PTPRF: variants seen among roughly 807,000 people sequenced by gnomAD.
The protein encoded by PTPRF is receptor-type tyrosine-protein phosphatase F.
In PTPRF, 59 loss-of-function variants were observed where a neutral mutation model predicts 201.8. That is an observed-to-expected ratio of 0.29 (90% CI 0.24 to 0.36). PTPRF has a LOEUF of 0.36. Ranked by LOEUF, PTPRF falls within the 10% of genes least tolerant of loss-of-function variation. The probability of loss-of-function intolerance (pLI) is 1.00; values close to 1 mark genes in which losing one functional copy is unlikely to be tolerated. For missense variants in PTPRF, 2,132 were observed against 2,690.5 expected (o/e 0.79, Z 4.59); for synonymous variants, 1,088 against 1,089.7 (o/e 1.00, Z 0.03).
intron 6 of PTPRF, chr1:43,575,827 C>A: frequency 8.1e-7 from 1 of 1,227,162 alleles, no homozygotes; most frequent in South Asian, 1.3e-5. Context: ...TTTTATTTTA[C>A]CTGATTTGGC....
chr1:43,604,279 G>C (rs1415062805), intron 16 of PTPRF, 90 bp downstream of exon 16: 4 of 1,347,814 alleles, frequency 3.0e-6, no homozygotes, highest in South Asian at 1.4e-5. Context: ...TGGCGACTGT[G>C]ATCCACCAGC....
At chr1:43,615,464 C>A (rs1463689853) in intron 23 of PTPRF, among the ~76,000 whole-genome samples, 4 of 151,054 alleles carry the variant, frequency 2.6e-5, no homozygotes, top group African/African-American at 9.7e-5. Flanking sequence ...GCTTTCCTTA[C>A]AAGACCCTCC....
At chr1:43,610,605 C>T (rs1477278559) in intron 22 of PTPRF, among the ~76,000 whole-genome samples, 3 of 152,194 alleles carry the variant, frequency 2.0e-5, no homozygotes, top group African/African-American at 4.8e-5. Flanking sequence ...ACTGGCTGGG[C>T]GTGGTGGCTC....
rs765956399 is a variant in PTPRF, at chr1:43,620,798, G to A, written c.5365-40G>A. ...CTAGTCCAGAGGGGTGGCTGCCTAA[G>A]GCACGAATTCTAATCATGTACCCCA... On this transcript the variant is annotated intron_variant, in intron 31 of 33. Coordinates refer to ENST00000359947, the MANE Select transcript of PTPRF (RefSeq NM_002840.5). 4 of 1,588,150 alleles carry A rather than the reference G, an allele frequency of 2.5e-6. No individual in the cohort carries two copies. The South Asian group carries it at 4.7e-5, about 19-fold the overall frequency.
intron 5 of PTPRF, among the ~76,000 whole-genome samples, chr1:43,555,118 C>G (rs1397912828): frequency 6.6e-6 from 1 of 152,092 alleles, no homozygotes; most frequent in East Asian, 1.9e-4. Context: ...TCCCAAACTG[C>G]TGGGATTACA....
intron 7 of PTPRF, among the ~76,000 whole-genome samples, chr1:43,584,993 A>G (rs1466956335): frequency 8.5e-5 from 13 of 152,256 alleles, no homozygotes. Flanking sequence ...TTACAGCTGA[A>G]ATATAATCCA....
intron 7 of PTPRF, among the ~76,000 whole-genome samples, chr1:43,580,483 G>A (rs1445403732): frequency 6.6e-6 from 1 of 152,202 alleles, no homozygotes; most frequent in Non-Finnish European, 1.5e-5. Context: ...TGGGATGGGA[G>A]GTCCCCTAGC....
At chr1:43,601,087 C>T (rs549987745) in intron 13 of PTPRF, among the ~76,000 whole-genome samples, 1 of 152,244 alleles carries the variant, frequency 6.6e-6, no homozygotes, top group Non-Finnish European at 1.5e-5. Context: ...CTTGCAAGGA[C>T]TTTCCAACAG....
intron 3 of PTPRF, among the ~76,000 whole-genome samples, chr1:43,550,736 ATAAGC>A: frequency 6.6e-6 from 1 of 152,234 alleles, no homozygotes; most frequent in Non-Finnish European, 1.5e-5. Flanking sequence ...CAGGTAGGTA[ATAAGC>A]TAGGAGCAGT....
chr1:43,607,734 C>CTGAA (rs1371467203), intron 21 of PTPRF, among the ~76,000 whole-genome samples: 15 of 152,234 alleles, frequency 9.9e-5, no homozygotes, highest in Non-Finnish European at 2.2e-4. Context: ...GTGTTCAGGC[C>CTGAA]CACACAGGGT....
At position 43,622,153 on chromosome 1, in the gene PTPRF, G is replaced by A. The variant is rs555727386; in HGVS notation, c.*150G>A. On this transcript the variant is annotated 3_prime_UTR_variant, in exon 34 of 34. Coordinates refer to ENST00000359947, the MANE Select transcript of PTPRF (RefSeq NM_002840.5). ...ACGGGGATCACAGCGTTTCAGGAAC[G>A]TTGCCACACCAATCAGAGAGCCTAG... The A allele has an allele frequency of 2.0e-4, 158 of 790,716 alleles. 1 individual carries two copies. In the South Asian group the frequency reaches 2.4e-3, roughly 12 times the overall value. 49.0% of individuals were successfully genotyped at this position (790,716 alleles called of 1,614,324 possible).
chr1:43,608,137 T>TG (rs1475067134), intron 21 of PTPRF, among the ~76,000 whole-genome samples: 1 of 152,240 alleles, frequency 6.6e-6, no homozygotes, highest in African/African-American at 2.4e-5. Flanking sequence ...GTCCCACAGA[T>TG]GCACTCATCC....
intron 5 of PTPRF, among the ~76,000 whole-genome samples, chr1:43,566,834 TG>T (rs1646221961): frequency 6.6e-6 from 1 of 152,188 alleles, no homozygotes. Context: ...CGCTGTTTTA[TG>T]GACAGCTCTC....
At chr1:43,561,742 G>C (rs1645820330) in intron 5 of PTPRF, among the ~76,000 whole-genome samples, 1 of 152,192 alleles carries the variant, frequency 6.6e-6, no homozygotes, top group African/African-American at 2.4e-5. Flanking sequence ...CTAGGCCTCA[G>C]GGATGGGGAT....
intron 11 of PTPRF, among the ~76,000 whole-genome samples, chr1:43,596,501 G>A (rs145304569): frequency 5.9e-5 from 9 of 152,182 alleles, no homozygotes; most frequent in Non-Finnish European, 1.3e-4. Context: ...AAGGAGACAC[G>A]TGTCTGCCTC....
upstream of PTPRF, among the ~76,000 whole-genome samples, chr1:43,530,114 G>T (rs545644784): frequency 3.9e-5 from 6 of 152,140 alleles, no homozygotes; most frequent in South Asian, 1.2e-3. The surrounding 1 kb of genome is among the most constrained non-coding windows in gnomAD (Gnocchi z 4.1). Flanking sequence ...GTCCTAAATG[G>T]TCTCAAGTTT....
chr1:43,545,709 G>C (rs1644623742), intron 3 of PTPRF, among the ~76,000 whole-genome samples: 1 of 152,132 alleles, frequency 6.6e-6, no homozygotes. Flanking sequence ...GGACCTTCTA[G>C]GCAAAGGAGC....
chr1:43,608,608 G>A (rs370886507), intron 21 of PTPRF, among the ~76,000 whole-genome samples: 3 of 152,294 alleles, frequency 2.0e-5, no homozygotes, highest in East Asian at 1.9e-4. Context: ...TTCCCTGAGC[G>A]TACAGAGCTC....
chr1:43,544,598 C>A (rs990606167), intron 2 of PTPRF, among the ~76,000 whole-genome samples: 1 of 152,186 alleles, frequency 6.6e-6, no homozygotes, highest in East Asian at 1.9e-4. Flanking sequence ...CCTCACTGCT[C>A]CTTGTCACTG....
Sources: gnomAD v4.1 joint callset for allele counts (sites outside exome capture counted in the v4.1 genomes callset) on GRCh38, gnomAD v4.1.1 for gene constraint, Gnocchi (gnomAD v3.1) non-coding constraint, MANE v1.5 for transcripts, NCBI Gene and HGNC (gene_info 2026-07-23, HGNC 2026-07-21) for gene names.